PLCB4: variants seen among roughly 807,000 people sequenced by gnomAD.
PLCB4 encodes phospholipase C beta 4.
In PLCB4, 77 loss-of-function variants were observed where a neutral mutation model predicts 178.8. That is an observed-to-expected ratio of 0.43 (90% confidence interval 0.36 to 0.52). The LOEUF (loss-of-function observed/expected upper bound fraction) is 0.52, where lower values mean the gene tolerates loss of function less well. Ranked by LOEUF, PLCB4 falls within the 20% of genes least tolerant of loss-of-function variation. The pLI is 0.00. For missense variants in PLCB4, 1,024 were observed against 1,453.4 expected, an observed-to-expected ratio of 0.70 and a Z score of 4.80; for synonymous variants, 496 against 490.8, an observed-to-expected ratio of 1.01 and a Z score of -0.14.
intron 9 of PLCB4, among the ~76,000 whole-genome samples, chr20:9,368,498 G>T (rs1032570410): frequency 3.3e-5 from 5 of 152,170 alleles, no homozygotes; most frequent in African/African-American, 1.2e-4. Flanking sequence ...GGCTGGAAGA[G>T]ATCCCAAACA....
intron 3 of PLCB4, among the ~76,000 whole-genome samples, chr20:9,297,982 A>G (rs1264306650): frequency 6.6e-6 from 1 of 152,166 alleles, no homozygotes; most frequent in Non-Finnish European, 1.5e-5. Flanking sequence ...GCCAGGGCTC[A>G]GAACACAATA....
intron 3 of PLCB4, among the ~76,000 whole-genome samples, chr20:9,267,282 A>T (rs1387282799): frequency 6.6e-6 from 1 of 152,170 alleles, no homozygotes; most frequent in Non-Finnish European, 1.5e-5. Flanking sequence ...TCAACTTGTA[A>T]CTTAAATCAT....
At chr20:9,132,983 G>A (rs1173155445) in intron 2 of PLCB4, among the ~76,000 whole-genome samples, 3 of 152,138 alleles carry the variant, frequency 2.0e-5, no homozygotes, top group Admixed American at 6.5e-5. Context: ...ACCACCCCCC[G>A]ACAACAAGGA....
chr20:9,471,331 A>G (rs997032061), intron 36 of PLCB4, among the ~76,000 whole-genome samples: 19 of 152,222 alleles, frequency 1.2e-4, no homozygotes, highest in African/African-American at 4.6e-4. Context: ...ACAAAATGCA[A>G]TAGAGAACAT....
At chr20:9,186,205 A>G (rs1254409889) in intron 2 of PLCB4, among the ~76,000 whole-genome samples, 1 of 152,212 alleles carries the variant, frequency 6.6e-6, no homozygotes, top group Non-Finnish European at 1.5e-5. Flanking sequence ...AATCATGTTT[A>G]ACAAATCCTA....
chr20:9,365,033 T>G (rs1460429452), intron 8 of PLCB4, among the ~76,000 whole-genome samples: 2 of 152,284 alleles, frequency 1.3e-5, no homozygotes, highest in African/African-American at 4.8e-5. Flanking sequence ...CCTTAATATA[T>G]TATTACAGAG....
At chr20:9,208,496 G>A (rs1287431656) in intron 2 of PLCB4, among the ~76,000 whole-genome samples, 1 of 151,682 alleles carries the variant, frequency 6.6e-6, no homozygotes, top group East Asian at 1.9e-4. Flanking sequence ...TGTACTAGTG[G>A]ATATATTAAG....
In PLCB4 at chr20:9,384,773, A is replaced by G. The variant is rs967080578; in HGVS notation, c.1064+362A>G. On this transcript the variant is annotated intron_variant, in intron 14 of 39. Coordinates refer to ENST00000378473, the MANE Select transcript of PLCB4 (RefSeq NM_001377142.1). ...AACCAATTGAGCTAACTGGCCATTG[A>G]TTATAGGCACTTGTAAATTAGCTTT... is the stretch of plus-strand genomic sequence containing the variant. Among the ~76,000 whole-genome samples, 4 of 149,964 alleles carry G rather than the reference A, an allele frequency of 2.7e-5. No individual in the cohort carries two copies. In the South Asian group the frequency reaches 8.6e-4, roughly 32 times the overall value.
chr20:9,453,687 G>A (rs2042902000), intron 33 of PLCB4, among the ~76,000 whole-genome samples: 1 of 152,138 alleles, frequency 6.6e-6, no homozygotes, highest in African/African-American at 2.4e-5. Context: ...TCTCAGCAGA[G>A]ATTCTGATAT....
chr20:9,325,883 A>C (rs1436253044), intron 4 of PLCB4, among the ~76,000 whole-genome samples: 1 of 152,194 alleles, frequency 6.6e-6, no homozygotes, highest in East Asian at 1.9e-4. Flanking sequence ...TACACTCGGC[A>C]GCTATAAACA....
At chr20:9,367,672 A>T (rs2035898687) in intron 9 of PLCB4, among the ~76,000 whole-genome samples, 1 of 152,212 alleles carries the variant, frequency 6.6e-6, no homozygotes, top group Admixed American at 6.5e-5. Flanking sequence ...AAATGGGCAA[A>T]GTAGAGACAC....
chr20:9,294,490 A>C (rs961887819), intron 3 of PLCB4, among the ~76,000 whole-genome samples: 11 of 152,112 alleles, frequency 7.2e-5, no homozygotes, highest in African/African-American at 2.7e-4. Context: ...GAGTCTCCAT[A>C]GGCTTGGTTG....
At chr20:9,209,965 A>G (rs1216509393) in intron 2 of PLCB4, among the ~76,000 whole-genome samples, 1 of 138,058 alleles carries the variant, frequency 7.2e-6, no homozygotes, top group African/African-American at 2.7e-5. Flanking sequence ...CTCTGTCTCA[A>G]AAAAAAAAAA....
chr20:9,441,280 G>A (rs1321718968), intron 30 of PLCB4, among the ~76,000 whole-genome samples: 1 of 152,154 alleles, frequency 6.6e-6, no homozygotes, highest in Non-Finnish European at 1.5e-5. Context: ...GAATGGCATG[G>A]AAGTACAAGA....
At chr20:9,255,976 A>C (rs1253753290) in intron 3 of PLCB4, among the ~76,000 whole-genome samples, 1 of 152,116 alleles carries the variant, frequency 6.6e-6, no homozygotes, top group African/African-American at 2.4e-5. Context: ...CTGAATTCTG[A>C]AATATTTCAG....
At chr20:9,323,971 A>G (rs2029920336) in intron 4 of PLCB4, among the ~76,000 whole-genome samples, 1 of 151,512 alleles carries the variant, frequency 6.6e-6, no homozygotes, top group African/African-American at 2.4e-5. Flanking sequence ...TCTCCCTGTC[A>G]CTCGGTTTCT....
At chr20:9,131,385 G>GA (rs1289299352) in intron 2 of PLCB4, among the ~76,000 whole-genome samples, 1 of 151,920 alleles carries the variant, frequency 6.6e-6, no homozygotes, top group Non-Finnish European at 1.5e-5. Context: ...GTTGAGCTCT[G>GA]AATCTTACCT....
intron 4 of PLCB4, among the ~76,000 whole-genome samples, chr20:9,334,280 T>A (rs1032862208): frequency 6.6e-6 from 1 of 152,166 alleles, no homozygotes; most frequent in Non-Finnish European, 1.5e-5. Context: ...CACTCCTATT[T>A]TGCAGCATGC....
At chr20:9,353,393 C>T (rs1288638378) in intron 7 of PLCB4, among the ~76,000 whole-genome samples, 1 of 152,212 alleles carries the variant, frequency 6.6e-6, no homozygotes, top group African/African-American at 2.4e-5. Context: ...ACATTGATAT[C>T]TTGTGACACT....
Sources: gnomAD v4.1 joint callset for allele counts (sites outside exome capture counted in the v4.1 genomes callset) on GRCh38, gnomAD v4.1.1 for gene constraint, MANE v1.5 for transcripts, NCBI Gene and HGNC (gene_info 2026-07-23, HGNC 2026-07-21) for gene names.